NELL1: variants seen among roughly 807,000 people sequenced by gnomAD.
NELL1 encodes the protein protein kinase C-binding protein NELL1.
In NELL1, 76 loss-of-function variants were observed where a neutral mutation model predicts 107.4. That is an observed-to-expected ratio of 0.71 (90% CI 0.59 to 0.86). The LOEUF is 0.86. NELL1 is among the 40% of genes least tolerant of loss of function. NELL1 has a pLI of 0.00. For synonymous variants in NELL1, 353 were observed against 341.2 expected (o/e 1.03, Z -0.38); for missense variants, 1,024 against 1,005.5 (o/e 1.02, Z -0.25).
At chr11:20,979,106 C>G (rs920590423) in intron 12 of NELL1, among the ~76,000 whole-genome samples, 1 of 152,164 alleles carries the variant, frequency 6.6e-6, no homozygotes, top group Non-Finnish European at 1.5e-5. Flanking sequence ...CCAAGTTCTT[C>G]TCTTGAAAGG....
intron 19 of NELL1, among the ~76,000 whole-genome samples, chr11:21,574,057 C>A (rs548347973): frequency 6.6e-6 from 1 of 151,920 alleles, no homozygotes; most frequent in South Asian, 2.1e-4. Flanking sequence ...CCCTTCAAAG[C>A]TCATGAAGAG....
chr11:21,284,908 T>C, intron 14 of NELL1: 1 of 247,770 alleles, frequency 4.0e-6, no homozygotes. Flanking sequence ...ACATTGGACA[T>C]CATTCAAAAC....
chr11:21,408,553 G>C (rs1404182528), intron 15 of NELL1, among the ~76,000 whole-genome samples: 2 of 152,048 alleles, frequency 1.3e-5, no homozygotes, highest in African/African-American at 4.8e-5. Flanking sequence ...GTTCATTGTA[G>C]ATTCTGGATA....
At chr11:21,353,363 C>T (rs1850859811) in intron 14 of NELL1, among the ~76,000 whole-genome samples, 1 of 152,160 alleles carries the variant, frequency 6.6e-6, no homozygotes, top group Admixed American at 6.5e-5. Context: ...GTATTCATTT[C>T]ACAAGTGAGG....
chr11:21,330,251 T>G (rs528304253), intron 14 of NELL1, among the ~76,000 whole-genome samples: 1 of 152,244 alleles, frequency 6.6e-6, no homozygotes, highest in East Asian at 1.9e-4. Context: ...TAAAACATGT[T>G]AAGAGAAAAA....
At chr11:21,425,463 G>T (rs1411004574) in intron 15 of NELL1, among the ~76,000 whole-genome samples, 3 of 152,106 alleles carry the variant, frequency 2.0e-5, no homozygotes, top group Admixed American at 6.6e-5. Context: ...AATTATCAGG[G>T]TGGACCTAAT....
intron 12 of NELL1, among the ~76,000 whole-genome samples, chr11:21,110,308 G>A (rs1855076675): frequency 2.0e-5 from 3 of 152,092 alleles, no homozygotes; most frequent in Admixed American, 2.0e-4. Flanking sequence ...GGACGTGTGG[G>A]CACAGAGTCT....
In NELL1 at chr11:20,989,953, C is replaced by T. The variant is rs538311251; in HGVS notation, c.1300+29393C>T. ...CAGAGCTTGCAGTGAGCCGAGATCGCGCCACTGCACTCCAGCCTGGGAGAC... is the reference window on the plus strand; with the variant it reads ...CAGAGCTTGCAGTGAGCCGAGATCGTGCCACTGCACTCCAGCCTGGGAGAC... On this transcript the variant is annotated intron_variant, in intron 12 of 19. Coordinates refer to ENST00000357134, the MANE Select transcript of NELL1 (RefSeq NM_006157.5). Among the ~76,000 whole-genome samples the T allele has an allele frequency of 1.0e-4, 15 of 150,600 alleles. No individual in the cohort carries two copies. In the East Asian group the frequency reaches 2.6e-3, roughly 26 times the overall value.
chr11:21,033,722 T>C (rs1489886505), intron 12 of NELL1, among the ~76,000 whole-genome samples: 1 of 152,106 alleles, frequency 6.6e-6, no homozygotes, highest in African/African-American at 2.4e-5. Context: ...GTGTCTTTAA[T>C]ATAGAACAAT....
At chr11:21,276,405 G>C (rs1273670957) in intron 14 of NELL1, among the ~76,000 whole-genome samples, 1 of 152,058 alleles carries the variant, frequency 6.6e-6, no homozygotes, top group Non-Finnish European at 1.5e-5. Flanking sequence ...AGAGGATACA[G>C]AGAAATGGAA....
At chr11:21,486,121 C>T (rs1344222287) in intron 15 of NELL1, among the ~76,000 whole-genome samples, 3 of 152,076 alleles carry the variant, frequency 2.0e-5, no homozygotes, top group African/African-American at 7.2e-5. Context: ...ATTTCTGGAC[C>T]ATTCCTGATA....
chr11:20,909,400 A>C (rs1850075717), intron 5 of NELL1, among the ~76,000 whole-genome samples: 1 of 152,136 alleles, frequency 6.6e-6, no homozygotes, highest in South Asian at 2.1e-4. Flanking sequence ...TGGGACCCAA[A>C]TCTTTTCATT....
chr11:21,180,218 A>G (rs11025960), intron 13 of NELL1, among the ~76,000 whole-genome samples: 45,339 of 151,500 alleles, frequency 0.3, 7,172 homozygotes, highest in Middle Eastern at 0.37. Flanking sequence ...ATAATCTTTT[A>G]TTTATATCTT....
chr11:21,510,307 G>T (rs929037370), intron 15 of NELL1, among the ~76,000 whole-genome samples: 3 of 152,194 alleles, frequency 2.0e-5, no homozygotes, highest in African/African-American at 7.2e-5. Flanking sequence ...TGCTGGAGGG[G>T]AGCACAGAAT....
chr11:20,895,229 G>A lies in NELL1; in HGVS notation c.603+9689G>A, dbSNP rs1432052520. Among the ~76,000 whole-genome samples, 21 of 97,778 alleles carry A rather than the reference G, an allele frequency of 2.1e-4. 1 individual carries two copies. Among genetic ancestry groups the A allele is most frequent in the African/African-American group, 8.7e-4 (19 of 21,878 alleles). The allele number at this position is 97,778 out of a possible 152,430, so 64.1% of individuals were successfully genotyped here. On this transcript the variant is annotated intron_variant, in intron 5 of 19. Coordinates refer to ENST00000357134, the MANE Select transcript of NELL1 (RefSeq NM_006157.5). ...GGAGCTTGCAGTGAGCCGAGATCCC[G>A]CCACTGCACTCCAGCCTGGGCGACA...
At chr11:20,961,175 A>G (rs1174118473) in intron 12 of NELL1, among the ~76,000 whole-genome samples, 2 of 152,168 alleles carry the variant, frequency 1.3e-5, no homozygotes, top group Non-Finnish European at 2.9e-5. Context: ...TAGAGAAAGC[A>G]ACTCCTCCGT....
intron 5 of NELL1, among the ~76,000 whole-genome samples, chr11:20,897,059 C>A (rs1172814744): frequency 2.0e-5 from 3 of 152,204 alleles, no homozygotes; most frequent in Non-Finnish European, 4.4e-5. Flanking sequence ...TTGGAAAAAA[C>A]TACTTTAAAG....
intron 14 of NELL1, among the ~76,000 whole-genome samples, chr11:21,352,063 A>G (rs952300666): frequency 3.3e-5 from 5 of 152,018 alleles, no homozygotes; most frequent in Non-Finnish European, 7.4e-5. Flanking sequence ...CTTTATGCTA[A>G]GCTATTCTCT....
chr11:21,355,983 C>G (rs1410332959), intron 14 of NELL1, among the ~76,000 whole-genome samples: 4 of 152,116 alleles, frequency 2.6e-5, no homozygotes, highest in African/African-American at 9.7e-5. Flanking sequence ...TCATGGCTCA[C>G]TCTTTTCCCC....
Sources: gnomAD v4.1 joint callset for allele counts (sites outside exome capture counted in the v4.1 genomes callset) on GRCh38, gnomAD v4.1.1 for gene constraint, MANE v1.5 for transcripts, NCBI Gene and HGNC (gene_info 2026-07-23, HGNC 2026-07-21) for gene names.